Variants in DUSP1 observed in about 807,000 individuals in gnomAD.
DUSP1 encodes dual specificity protein phosphatase 1.
DUSP1 carries 10 observed loss-of-function variants against 27.4 expected under a neutral mutation model. That is an observed-to-expected ratio of 0.37 (90% CI 0.23 to 0.62). The LOEUF is 0.62. DUSP1 is among the 20% of genes least tolerant of loss of function. The pLI is 0.68. For missense variants in DUSP1, 425 were observed against 508.1 expected, an observed-to-expected ratio of 0.84 and a Z score of 1.57; for synonymous variants, 262 against 223.6, an observed-to-expected ratio of 1.17 and a Z score of -1.53.
Position 172,769,613 on chromosome 5 carries a change from T to G in DUSP1, c.695A>C (p.Asp232Ala), listed in dbSNP as rs975207967. The change falls in exon 3 of 4, where the codon GAC becomes GCC. Residue 232 changes from aspartate to alanine, a missense_variant. Asp to Ala is a moderately radical substitution (Grantham distance 126, BLOSUM62 -2). This residue lies in a region of DUSP1 where 59 missense variants were observed against 108.4 expected (regional missense o/e 0.54). Transcript: ENST00000239223. Reference sequence around the variant, plus strand: ...GGCCTCGTTGAACCAGGAGCTGATGTCTGCCTTGTGGTTGTCCTCCACAGG... The same window carrying G: ...GGCCTCGTTGAACCAGGAGCTGATGGCTGCCTTGTGGTTGTCCTCCACAGG... ...SIPVEDNHKA[D>A]ISSWFNEAID... is the part of the protein sequence containing the mutation. 1 of 1,614,240 alleles carries G rather than the reference T, an allele frequency of 6.2e-7. No individual in the cohort carries two copies. Among genetic ancestry groups the G allele is most frequent in the Non-Finnish European group, 8.5e-7 (1 of 1,180,024 alleles).
chr5:172,769,260 A>C, intron 3 of DUSP1, 128 bp from the exon 4 acceptor site: 1 of 1,397,872 alleles, frequency 7.2e-7, no homozygotes, highest in Non-Finnish European at 9.5e-7. Flanking sequence ...ACATGCCATC[A>C]CATGGATACT....
rs1013735510 is a variant in DUSP1, at chr5:172,770,174, G to A, written c.500C>T (p.Pro167Leu). Residue 167 changes from proline (P) to leucine (L), a missense_variant, in exon 2 of 4, where the codon CCA becomes CTA. By Grantham distance (98) the Pro-to-Leu change is moderately conservative (BLOSUM62 -3). Coordinates refer to ENST00000239223, the MANE Select transcript of DUSP1 (RefSeq NM_004417.4). ...ACACCTACTAACCTGATCGTAGAGT[G>A]GGGTACTGCAGGAACTGCACCCAGA... ...AESGCSSCST[P>L]LYDQGGPVEI... The A allele has an allele frequency of 6.3e-7, 1 of 1,584,068 alleles. No homozygotes were observed. Among genetic ancestry groups the A allele is most frequent in the East Asian group, 2.2e-5 (1 of 44,510 alleles).
rs1390218905 is a variant in DUSP1 at position 172,768,435 on chromosome 5, G to A, written c.*327C>T. On this transcript the variant is annotated 3_prime_UTR_variant, in exon 4 of 4. Coordinates refer to ENST00000239223, the MANE Select transcript of DUSP1 (RefSeq NM_004417.4). ...TATATGTGTCGTCGGGAATAATACTGGTAGGTATGTCAAGCATGAAGAGAT... is the reference window on the plus strand; with the variant it reads ...TATATGTGTCGTCGGGAATAATACTAGTAGGTATGTCAAGCATGAAGAGAT... 4.3e-6 allele frequency: 1 copy of A among 234,328 alleles called. No individual in the cohort carries two copies. The highest frequency in any genetic ancestry group is 5.6e-5 in the Admixed American group (1 of 17,906). The allele number at this position is 234,328 out of a possible 1,614,324, so 14.5% of individuals were successfully genotyped here. A position where few individuals can be genotyped will look rare whatever the true frequency, so the allele number is the denominator to read the frequency against.
chr5:172,768,819 G>A lies in DUSP1; in HGVS notation c.1047C>T (p.Ser349=). Residue 349 remains serine, a synonymous_variant, in exon 4 of 4, where the codon TCC becomes TCT. Coordinates refer to ENST00000239223, the MANE Select transcript of DUSP1 (RefSeq NM_004417.4). ...GAAGGTAGCTCAGCGCACTGTTCGTGGAGTGGACAGGGATGGAGACGGGGA... is the reference window on the plus strand; with the variant it reads ...GAAGGTAGCTCAGCGCACTGTTCGTAGAGTGGACAGGGATGGAGACGGGGA... The part of the protein sequence containing the change: ...FNFPVSIPVH[S]TNSALSYLQS... The A allele has an allele frequency of 1.9e-6, 3 of 1,576,380 alleles. No homozygotes were observed. Among genetic ancestry groups the A allele is most frequent in the Non-Finnish European group, 2.6e-6 (3 of 1,159,716 alleles).
intron 3 of DUSP1, 45 bp downstream of exon 3, chr5:172,769,530 T>C: frequency 4.4e-6 from 7 of 1,607,514 alleles, no homozygotes; most frequent in Non-Finnish European, 6.0e-6. Flanking sequence ...GTGGCTAAAA[T>C]GAGAAGAGAA....
chr5:172,768,541 A>T lies in DUSP1; in HGVS notation c.*221T>A. The T allele has an allele frequency of 2.1e-6, 1 of 467,774 alleles. No individual in the cohort carries two copies. Among genetic ancestry groups the T allele is most frequent in the Non-Finnish European group, 3.4e-6 (1 of 290,388 alleles). 29.0% of individuals were successfully genotyped at this position (467,774 alleles called of 1,614,324 possible). A position where few individuals can be genotyped will look rare whatever the true frequency, so the allele number is the denominator to read the frequency against. Reference sequence around the variant, plus strand: ...TCTTCTGCCCCATTTTGTCAGATGGACTTGATGTACCCACTATATATTGGT... The same window carrying T: ...TCTTCTGCCCCATTTTGTCAGATGGTCTTGATGTACCCACTATATATTGGT... On this transcript the variant is annotated 3_prime_UTR_variant, in exon 4 of 4. Coordinates refer to ENST00000239223, the MANE Select transcript of DUSP1 (RefSeq NM_004417.4).
At chr5:172,769,915 T>G (rs962599417) in intron 2 of DUSP1, 121 bp from the exon 3 acceptor site, 2 of 1,268,888 alleles carry the variant, frequency 1.6e-6, no homozygotes, top group African/African-American at 3.0e-5. Context: ...TCAGTTCTGT[T>G]GCTGGAGGAT....
At position 172,769,661 on chromosome 5, in the gene DUSP1, C is replaced by T. The variant is rs1561676735; in HGVS notation, c.647G>A (p.Gly216Asp). The part of the protein sequence containing the change: ...VSANCPNHFE[G>D]HYQYKSIPVE... ...AGGGATGCTCTTGTACTGGTAGTGACCCTCAAAATGGTTGGGACAATTGGC... is the reference window on the plus strand; with the variant it reads ...AGGGATGCTCTTGTACTGGTAGTGATCCTCAAAATGGTTGGGACAATTGGC... The change falls in exon 3 of 4, where the codon GGT becomes GAT. Residue 216 changes from glycine to aspartate, a missense_variant. Gly to Asp is a moderately conservative substitution (Grantham distance 94). Around this residue, in one of 3 missense-constraint regions of DUSP1, gnomAD observed 282 missense variants for 319.3 expected, o/e 0.88. Coordinates refer to ENST00000239223, the MANE Select transcript of DUSP1 (RefSeq NM_004417.4). The T allele has an allele frequency of 6.2e-7, 1 of 1,614,112 alleles. No homozygotes were observed. Among genetic ancestry groups the T allele is most frequent in the Admixed American group, 1.7e-5 (1 of 60,012 alleles).
chr5:172,770,856 A>G lies in DUSP1; in HGVS notation c.97T>C (p.Phe33Leu). 6.5e-7 allele frequency: 1 copy of G among 1,530,122 alleles called. No homozygotes were observed. The highest frequency in any genetic ancestry group is 1.7e-4 in the Middle Eastern group (1 of 5,948). 94.8% of individuals were successfully genotyped at this position (1,530,122 alleles called of 1,614,324 possible). A position where few individuals can be genotyped will look rare whatever the true frequency, so the allele number is the denominator to read the frequency against. Residue 33 changes from phenylalanine (F) to leucine (L), a missense_variant, in exon 1 of 4, where the codon TTC becomes CTC. By Grantham distance (22) the Phe-to-Leu change is conservative. Coordinates refer to ENST00000239223, the MANE Select transcript of DUSP1 (RefSeq NM_004417.4). Reference sequence around the variant, plus strand: ...GCGATGTGGCCGGCGTTGAAAGCGAAGAAGGAGCGGCAGTCCAGCAGCAGG... The same window carrying G: ...GCGATGTGGCCGGCGTTGAAAGCGAGGAAGGAGCGGCAGTCCAGCAGCAGG... ...QCLLLDCRSF[F>L]AFNAGHIAGS...
Position 172,770,928 on chromosome 5 carries a change from C to T in DUSP1, c.25G>A (p.Asp9Asn). 1 of 1,538,508 alleles carries T rather than the reference C, an allele frequency of 6.5e-7. No individual in the cohort carries two copies. Among genetic ancestry groups the T allele is most frequent in the South Asian group, 1.2e-5 (1 of 83,086 alleles). MVMEVGTLDAGGLRALLGE... is the reference protein window; with the variant it reads MVMEVGTLNAGGLRALLGE... ...AGCAGCGCCCGCAGGCCTCCAGCGT[C>T]CAGGGTGCCCACTTCCATGACCATG... Residue 9 changes from aspartate (D) to asparagine (N), a missense_variant, in exon 1 of 4, where the codon GAC becomes AAC. Physicochemically the swap from Asp to Asn is conservative, Grantham distance 23. This residue lies in a region of DUSP1 where 282 missense variants were observed against 319.3 expected (regional missense o/e 0.88). Coordinates refer to ENST00000239223, the MANE Select transcript of DUSP1 (RefSeq NM_004417.4).
At chr5:172,770,499 G>A in intron 1 of DUSP1, 87 bp downstream of exon 1, 3 of 1,476,228 alleles carry the variant, frequency 2.0e-6, no homozygotes, top group African/African-American at 2.9e-5. Flanking sequence ...GCTGCAGGTG[G>A]GGCGATCCCC....
chr5:172,770,511 G>A, intron 1 of DUSP1, 75 bp downstream of exon 1: 3 of 1,466,266 alleles, frequency 2.0e-6, no homozygotes, highest in Middle Eastern at 2.5e-4. Flanking sequence ...GCGATCCCCC[G>A]GGAGCCGAGA....
chr5:172,769,738 G>A lies in DUSP1; in HGVS notation c.570C>T (p.Ser190=). Residue 190 remains serine (S), a synonymous_variant, in exon 3 of 4, where the codon TCC becomes TCT. Transcript: ENST00000239223. ...FLYLGSAYHA[S]RKDMLDALGI... ...CCAAGGCATCCAGCATGTCCTTGCGGGAAGCGTGATACGCACTGCCCAGGT... is the reference window on the plus strand; with the variant it reads ...CCAAGGCATCCAGCATGTCCTTGCGAGAAGCGTGATACGCACTGCCCAGGT... 2 of 1,614,246 alleles carry A rather than the reference G, an allele frequency of 1.2e-6. No homozygotes were observed. The highest frequency in any genetic ancestry group is 1.1e-5 in the South Asian group (1 of 91,090).
rs772564174 is a variant in DUSP1 at position 172,770,248 on chromosome 5, G to A, written c.426C>T (p.Pro142=). The part of the protein sequence containing the change: ...CPELCSKQST[P]MGLSLPLSTS... The stretch of plus-strand genomic sequence containing the variant: ...TACTCAGGGGAAGGCTGAGCCCCAT[G>A]GGGGTCGACTGTTTGCTGCACAGCT... Residue 142 remains proline (P), a synonymous_variant, in exon 2 of 4, where the codon CCC becomes CCT. Coordinates refer to ENST00000239223, the MANE Select transcript of DUSP1 (RefSeq NM_004417.4). 74 of 1,610,974 alleles carry A rather than the reference G, an allele frequency of 4.6e-5. No homozygotes were observed. The highest frequency in any genetic ancestry group is 9.9e-5 in the South Asian group (9 of 90,596).
At chr5:172,769,192 G>A in intron 3 of DUSP1, 60 bp from the exon 4 acceptor site, 1 of 1,543,404 alleles carries the variant, frequency 6.5e-7, no homozygotes, top group East Asian at 2.2e-5. Context: ...CCCAAGCCCA[G>A]GTACAGTGTA....
rs536083926 is a variant in DUSP1 at position 172,770,068 on chromosome 5, T to C, written c.513+93A>G. The C allele has an allele frequency of 1.3e-5, 20 of 1,489,402 alleles. No homozygotes were observed. The African/African-American group carries it at 2.7e-4, about 20-fold the overall frequency. 92.3% of individuals were successfully genotyped at this position (1,489,402 alleles called of 1,614,324 possible). A position where few individuals can be genotyped will look rare whatever the true frequency, so the allele number is the denominator to read the frequency against. ...CCTGTGTCCCCTCCGTTATAAATAA[T>C]GCTGCAGGTCACTTTCTATATTCTC... On this transcript the variant is annotated intron_variant, in intron 2 of 3. Transcript: ENST00000239223.
chr5:172,768,180 A>G lies in DUSP1; in HGVS notation c.*582T>C, dbSNP rs182492130. 4.6e-5 allele frequency: 7 copies of G among 152,792 alleles called. No individual in the cohort carries two copies. Among genetic ancestry groups the G allele is most frequent in the Admixed American group, 3.3e-4 (5 of 15,296 alleles). 9.5% of individuals were successfully genotyped at this position (152,792 alleles called of 1,614,324 possible). ...AATGTCTTCTTAGAAGAAGAAATAT[A>G]TTATTTCAGGTCATAAATAATCAGC... On this transcript the variant is annotated 3_prime_UTR_variant, in exon 4 of 4. Transcript: ENST00000239223.
rs138611072 is a variant in DUSP1, at chr5:172,770,406, A to C, written c.368-100T>G. The C allele has an allele frequency of 4.0e-4, 630 of 1,578,066 alleles. No individual in the cohort carries two copies. The African/African-American group carries it at 6.1e-3, about 15-fold the overall frequency. ...ACCAAGGGCTGGAAGTTTACATCGG[A>C]AAGGCCCAGGCAAGTCTTTGTTTCC... On this transcript the variant is annotated intron_variant, in intron 1 of 3. Coordinates refer to ENST00000239223, the MANE Select transcript of DUSP1 (RefSeq NM_004417.4).
In DUSP1 at chr5:172,768,810, A is replaced by C; in HGVS notation, c.1056T>G (p.Ser352Arg). Residue 352 changes from serine to arginine, a missense_variant, in exon 4 of 4, where the codon AGT (serine) becomes AGG (arginine). By Grantham distance (110) the Ser-to-Arg change is moderately radical. Around this residue, in one of 3 missense-constraint regions of DUSP1, gnomAD observed 84 missense variants for 80.5 expected, o/e 1.04. Transcript: ENST00000239223. ...TGGGGCTCTGAAGGTAGCTCAGCGC[A>C]CTGTTCGTGGAGTGGACAGGGATGG... is the stretch of plus-strand genomic sequence containing the variant. ...PVSIPVHSTN[S>R]ALSYLQSPIT... 1 of 1,556,028 alleles carries C rather than the reference A, an allele frequency of 6.4e-7. No homozygotes were observed. Among genetic ancestry groups the C allele is most frequent in the Non-Finnish European group, 8.7e-7 (1 of 1,149,106 alleles).
Sources: allele counts gnomAD v4.1 joint callset, GRCh38; gene constraint gnomAD v4.1.1; regional missense constraint gnomAD v4.1.1; transcripts MANE v1.5; gene names NCBI Gene and HGNC (gene_info 2026-07-23, HGNC 2026-07-21).